CDC42BPA: variants seen among roughly 807,000 people sequenced by gnomAD.
The protein encoded by CDC42BPA is serine/threonine-protein kinase MRCK alpha.
Under a neutral mutation model 223.5 loss-of-function variants are expected in CDC42BPA, and 80 were observed. That is an observed-to-expected ratio of 0.36 (90% CI 0.30 to 0.43). The LOEUF (loss-of-function observed/expected upper bound fraction) is 0.43, where lower values mean the gene tolerates loss of function less well. Among genes scored for constraint, CDC42BPA ranks in the 20% least tolerant of loss-of-function variants. CDC42BPA has a pLI of 1.00. For missense variants in CDC42BPA, 1,743 were observed against 2,099.9 expected, an observed-to-expected ratio of 0.83 and a Z score of 3.32; for synonymous variants, 694 against 718.6, an observed-to-expected ratio of 0.97 and a Z score of 0.55.
At chr1:227,159,137 G>A (rs1378126479) in intron 6 of CDC42BPA, among the ~76,000 whole-genome samples, 2 of 152,066 alleles carry the variant, frequency 1.3e-5, no homozygotes, top group Admixed American at 1.3e-4. Flanking sequence ...CCTCTATCAT[G>A]GCCAGAGACA....
intron 1 of CDC42BPA, among the ~76,000 whole-genome samples, chr1:227,294,988 G>A (rs574944160): frequency 6.7e-6 from 1 of 148,910 alleles, no homozygotes; most frequent in Non-Finnish European, 1.5e-5. Context: ...AACTAAGTAT[G>A]TATATAAAAA....
At chr1:227,283,694 C>T (rs557936234) in intron 1 of CDC42BPA, among the ~76,000 whole-genome samples, 14 of 152,200 alleles carry the variant, frequency 9.2e-5, no homozygotes, top group South Asian at 6.2e-4. Flanking sequence ...GTGATGAGTA[C>T]GGAAGCCCAA....
rs748877740 is a variant in CDC42BPA at position 226,994,239 on chromosome 1, A to G, written c.*29T>C. ...AGAGGAGGCGAGTGGCAGGGAGCGG[A>G]GAGCGAGAGGTCCCAGTGCTGAGGC... On this transcript the variant is annotated 3_prime_UTR_variant, in exon 37 of 37. Transcript: ENST00000366766. The surrounding 1 kb of genome is among the most constrained non-coding windows in gnomAD (Gnocchi z 4.0). 54 of 1,552,346 alleles carry G rather than the reference A, an allele frequency of 3.5e-5. No homozygotes were observed. The East Asian group carries it at 1.3e-3, about 38-fold the overall frequency.
intron 11 of CDC42BPA, among the ~76,000 whole-genome samples, chr1:227,120,171 G>GAAAA (rs75557950): frequency 7.9e-6 from 1 of 126,296 alleles, no homozygotes. Flanking sequence ...TACTCATTAG[G>GAAAA]AAAAAAAAAA....
chr1:227,142,777 G>A lies in CDC42BPA; in HGVS notation c.1223+168C>T, dbSNP rs564696509. Among the ~76,000 whole-genome samples, 261 of 151,978 alleles carry A rather than the reference G, an allele frequency of 1.7e-3. 3 individuals are homozygous for A. The highest frequency in any genetic ancestry group is 5.4e-3 in the African/African-American group (224 of 41,470). ...TGGGATTACAGGCACCTGCCACCAC[G>A]CCCACCTAAGTTTTGTATTTTTAGT... On this transcript the variant is annotated intron_variant, in intron 9 of 36. Transcript: ENST00000366766.
intron 2 of CDC42BPA, among the ~76,000 whole-genome samples, chr1:227,230,768 T>C (rs1331699951): frequency 6.6e-6 from 1 of 151,712 alleles, no homozygotes; most frequent in East Asian, 1.9e-4. Context: ...TAAAGATTTA[T>C]CTCTTCCTGT....
At chr1:227,284,698 C>A (rs1325193122) in intron 1 of CDC42BPA, among the ~76,000 whole-genome samples, 1 of 152,154 alleles carries the variant, frequency 6.6e-6, no homozygotes, top group Non-Finnish European at 1.5e-5. Flanking sequence ...GGATTAATTA[C>A]ATCTGTAATC....
intron 15 of CDC42BPA, among the ~76,000 whole-genome samples, chr1:227,094,755 T>G (rs1683687394): frequency 6.6e-6 from 1 of 152,246 alleles, no homozygotes; most frequent in African/African-American, 2.4e-5. Flanking sequence ...AGTTTTTCAC[T>G]GCTAGGCTGA....
At chr1:227,029,586 T>C (rs1028054170) in intron 29 of CDC42BPA, among the ~76,000 whole-genome samples, 1 of 152,184 alleles carries the variant, frequency 6.6e-6, no homozygotes, top group East Asian at 1.9e-4. Flanking sequence ...AGAGAACTTA[T>C]TTTTCAGAAG....
intron 14 of CDC42BPA, among the ~76,000 whole-genome samples, chr1:227,110,327 G>T (rs1427030652): frequency 6.6e-6 from 1 of 152,076 alleles, no homozygotes. Flanking sequence ...CCAGGTTCTG[G>T]TCTATACATG....
chr1:227,013,905 G>A (rs183063177), intron 34 of CDC42BPA, among the ~76,000 whole-genome samples: 1 of 152,096 alleles, frequency 6.6e-6, no homozygotes, highest in African/African-American at 2.4e-5. Context: ...AATTTAAAAA[G>A]TTTAATTAAA....
rs75905034 is a variant in CDC42BPA at position 227,053,901 on chromosome 1, C to T, written c.2905-1916G>A. On this transcript the variant is annotated intron_variant, in intron 21 of 36. Transcript: ENST00000366766. ...TCTTTTAGTTTCTAAAAATCTCCTC[C>T]TCCTAGTTTTCATAAGATTATACAC... is the stretch of plus-strand genomic sequence containing the variant. 4.9e-4 allele frequency among the ~76,000 whole-genome samples: 74 copies of T among 152,256 alleles called. No homozygotes were observed. In the East Asian group the frequency reaches 6.2e-3, roughly 13 times the overall value.
chr1:227,215,434 T>C (rs1235883244), intron 2 of CDC42BPA, among the ~76,000 whole-genome samples: 6 of 152,180 alleles, frequency 3.9e-5, no homozygotes, highest in Admixed American at 3.3e-4. Flanking sequence ...TATATCATTG[T>C]GGTAAAGATT....
chr1:227,120,208 T>A (rs1248189243), intron 11 of CDC42BPA, among the ~76,000 whole-genome samples: 1 of 150,848 alleles, frequency 6.6e-6, no homozygotes, highest in Non-Finnish European at 1.5e-5. Flanking sequence ...AACAGCACCT[T>A]CGGAAAAATT....
intron 1 of CDC42BPA, among the ~76,000 whole-genome samples, chr1:227,312,270 G>A (rs1317282348): frequency 6.6e-6 from 1 of 152,098 alleles, no homozygotes; most frequent in Non-Finnish European, 1.5e-5. Context: ...TACCAAATGA[G>A]AAAAAGGTCA....
At chr1:227,033,912 C>T (rs1572384769) in intron 26 of CDC42BPA, among the ~76,000 whole-genome samples, 1 of 152,156 alleles carries the variant, frequency 6.6e-6, no homozygotes, top group Admixed American at 6.5e-5. Context: ...TGATTCTTTT[C>T]CCTATCTATA....
intron 21 of CDC42BPA, among the ~76,000 whole-genome samples, chr1:227,055,643 A>G (rs1400567196): frequency 6.6e-6 from 1 of 152,122 alleles, no homozygotes. Flanking sequence ...GGAAGTTAAA[A>G]TATTCTTTTT....
chr1:227,025,578 T>G (rs537340660), intron 31 of CDC42BPA, among the ~76,000 whole-genome samples: 1 of 152,288 alleles, frequency 6.6e-6, no homozygotes, highest in African/African-American at 2.4e-5. Context: ...TTAAGAAAAA[T>G]ATTATGTTTT....
Position 227,232,380 on chromosome 1 carries a change from T to C in CDC42BPA, c.271-19161A>G, listed in dbSNP as rs572030273. ...CAGTACCATGCTGTTTTGGTTACTGTAGCCTTGTGTATAGTTTGAAGTCAG... is the reference window on the plus strand; with the variant it reads ...CAGTACCATGCTGTTTTGGTTACTGCAGCCTTGTGTATAGTTTGAAGTCAG... On this transcript the variant is annotated intron_variant, in intron 2 of 36. Coordinates refer to ENST00000366766, the MANE Select transcript of CDC42BPA (RefSeq NM_001394014.1). Among the ~76,000 whole-genome samples, 7 of 152,342 alleles carry C rather than the reference T, an allele frequency of 4.6e-5. 1 individual carries two copies. In the East Asian group the frequency reaches 1.2e-3, roughly 25 times the overall value.
Sources: allele counts gnomAD v4.1 joint callset (sites outside exome capture counted in the v4.1 genomes callset), GRCh38; gene constraint gnomAD v4.1.1; non-coding constraint Gnocchi (gnomAD v3.1); transcripts MANE v1.5; gene names NCBI Gene and HGNC (gene_info 2026-07-23, HGNC 2026-07-21).